CPD: variants seen among roughly 807,000 people sequenced by gnomAD.
CPD encodes the protein carboxypeptidase D, also known as metallocarboxypeptidase D.
In CPD, 69 loss-of-function variants were observed where a neutral mutation model predicts 138.3. That is an observed-to-expected ratio of 0.50 (90% confidence interval 0.41 to 0.61). The LOEUF (loss-of-function observed/expected upper bound fraction) is 0.61, where lower values mean the gene tolerates loss of function less well. Ranked by LOEUF, CPD falls within the 20% of genes least tolerant of loss-of-function variation. The pLI is 0.00. For missense variants in CPD, 1,432 were observed against 1,733.3 expected (o/e 0.83, Z 3.09); for synonymous variants, 651 against 642.1 (o/e 1.01, Z -0.21).
chr17:30,393,449 T>C (rs1382939586), intron 2 of CPD, among the ~76,000 whole-genome samples: 1 of 152,136 alleles, frequency 6.6e-6, no homozygotes, highest in African/African-American at 2.4e-5. Flanking sequence ...CACCAGAAAA[T>C]TGTAATCTAA....
At chr17:30,413,966 C>G (rs1210079197) in intron 2 of CPD, among the ~76,000 whole-genome samples, 2 of 152,066 alleles carry the variant, frequency 1.3e-5, no homozygotes, top group Admixed American at 6.6e-5. Context: ...GCAAAGGGAA[C>G]AAGTAGAGCA....
At chr17:30,430,699 C>G (rs943108551) in intron 7 of CPD, among the ~76,000 whole-genome samples, 1 of 152,094 alleles carries the variant, frequency 6.6e-6, no homozygotes, top group African/African-American at 2.4e-5. Context: ...GTTACCCAGG[C>G]TGGAGTGTAA....
At position 30,420,985 on chromosome 17, in the gene CPD, T is replaced by C; in HGVS notation, c.1137+2T>C. On this transcript the variant is annotated splice_donor_variant, in intron 3 of 20. Coordinates refer to ENST00000225719, the MANE Select transcript of CPD (RefSeq NM_001304.5). LOFTEE classifies it high-confidence loss of function. ...TCTTTGATCACATTGATTGAAAAGG[T>C]AAAAGTAGATGACTGGAATGTTGGG... The C allele has an allele frequency of 6.2e-7, 1 of 1,612,562 alleles. No homozygotes were observed. Among genetic ancestry groups the C allele is most frequent in the Non-Finnish European group, 8.5e-7 (1 of 1,179,170 alleles).
intron 2 of CPD, among the ~76,000 whole-genome samples, chr17:30,395,005 TTAGGGAA>T (rs957193243): frequency 2.0e-5 from 3 of 151,778 alleles, no homozygotes; most frequent in African/African-American, 7.3e-5. Flanking sequence ...CAATGGGCAG[TTAGGGAA>T]TAGGTTCTAG....
rs1910977771 is a variant in CPD, at chr17:30,379,353, C to T, written c.373C>T (p.Leu125=). ...DAAGPDAAGP[L]LPGRPQVKLV... is the part of the protein sequence containing the mutation. ...TGCCGGGCCCGACGCTGCGGGGCCGCTGCTGCCCGGCCGGCCCCAGGTGAA... is the reference window on the plus strand; with the variant it reads ...TGCCGGGCCCGACGCTGCGGGGCCGTTGCTGCCCGGCCGGCCCCAGGTGAA... Residue 125 remains leucine, a synonymous_variant, in exon 1 of 21, where the codon CTG becomes TTG. Transcript: ENST00000225719. The surrounding 1 kb of genome is among the most constrained non-coding windows in gnomAD (Gnocchi z 7.0). 1.3e-6 allele frequency: 2 copies of T among 1,499,908 alleles called. No individual in the cohort carries two copies. Among genetic ancestry groups the T allele is most frequent in the East Asian group, 5.6e-5 (2 of 35,762 alleles). The allele number at this position is 1,499,908 out of a possible 1,614,324, so 92.9% of individuals were successfully genotyped here. A position where few individuals can be genotyped will look rare whatever the true frequency, so the allele number is the denominator to read the frequency against.
rs778208980 is a variant in CPD, at chr17:30,464,685, G to A, written c.4014G>A (p.Arg1338=). Residue 1338 remains arginine (R), a synonymous_variant, in exon 21 of 21, where the codon AGG becomes AGA. Transcript: ENST00000225719. The stretch of plus-strand genomic sequence containing the variant: ...ACAAGGATGGCTTTCATCGGCTCAG[G>A]CAGCATCATGATGAGTATGAAGATG... ...NRHKDGFHRL[R]QHHDEYEDEI... is the part of the protein sequence containing the mutation. 5 of 1,613,824 alleles carry A rather than the reference G, an allele frequency of 3.1e-6. No homozygotes were observed. In the East Asian group the frequency reaches 8.9e-5, roughly 29 times the overall value.
At chr17:30,431,963 G>A (rs1217130913) in intron 8 of CPD, 82 bp downstream of exon 8, 1 of 912,904 alleles carries the variant, frequency 1.1e-6, no homozygotes, top group Admixed American at 2.7e-5. Context: ...CAAGACTCAG[G>A]TCAAGTGCTT....
At chr17:30,381,078 A>G (rs1341707139) in intron 1 of CPD, among the ~76,000 whole-genome samples, 1 of 152,172 alleles carries the variant, frequency 6.6e-6, no homozygotes, top group Non-Finnish European at 1.5e-5. Context: ...TTCGTCTTCT[A>G]TCTTTTACTT....
At chr17:30,390,580 G>T (rs1911327972) in intron 2 of CPD, among the ~76,000 whole-genome samples, 2 of 152,162 alleles carry the variant, frequency 1.3e-5, no homozygotes, top group African/African-American at 4.8e-5. Context: ...CCTGCTCTGA[G>T]GAATCAGATA....
At chr17:30,461,580 G>A (rs1421705750) in intron 18 of CPD, among the ~76,000 whole-genome samples, 1 of 152,140 alleles carries the variant, frequency 6.6e-6, no homozygotes, top group Non-Finnish European at 1.5e-5. Flanking sequence ...ATACCATGGT[G>A]GGAAGGAAAT....
chr17:30,458,816 A>G (rs1303667852), intron 17 of CPD, among the ~76,000 whole-genome samples: 1 of 151,712 alleles, frequency 6.6e-6, no homozygotes, highest in Admixed American at 6.6e-5. Context: ...CGAAGAGCCG[A>G]GATCTTGCCA....
At position 30,443,785 on chromosome 17, in the gene CPD, C is replaced by T; in HGVS notation, c.2374-17C>T. 1 of 1,597,574 alleles carries T rather than the reference C, an allele frequency of 6.3e-7. No individual in the cohort carries two copies. The highest frequency in any genetic ancestry group is 8.6e-7 in the Non-Finnish European group (1 of 1,168,990). On this transcript the variant is annotated splice_polypyrimidine_tract_variant and intron_variant, in intron 10 of 20. Transcript: ENST00000225719. ...GATGTTTATTATTGAAATCTGGTGT[C>T]CTTGTACTTAATCCAGGTTCATCAG...
At chr17:30,398,126 G>A (rs762423643) in intron 2 of CPD, among the ~76,000 whole-genome samples, 7 of 151,704 alleles carry the variant, frequency 4.6e-5, no homozygotes, top group Non-Finnish European at 7.4e-5. Context: ...GTGAAGCGTC[G>A]CATATTTTTT....
At chr17:30,464,126 C>T (rs138651100) in intron 20 of CPD, among the ~76,000 whole-genome samples, 4 of 152,086 alleles carry the variant, frequency 2.6e-5, no homozygotes, top group Non-Finnish European at 4.4e-5. Flanking sequence ...CATGGTGGCT[C>T]ACGCCTGTAA....
At chr17:30,386,171 A>T (rs1411587515) in intron 2 of CPD, among the ~76,000 whole-genome samples, 2 of 152,166 alleles carry the variant, frequency 1.3e-5, no homozygotes, top group African/African-American at 4.8e-5. Context: ...CTGGAACTAT[A>T]GATGTGTGCC....
chr17:30,387,352 C>T (rs564217346), intron 2 of CPD, among the ~76,000 whole-genome samples: 2 of 152,214 alleles, frequency 1.3e-5, no homozygotes, highest in South Asian at 2.1e-4. Context: ...CTCCTGACCT[C>T]GAGTGATCTA....
chr17:30,454,734 A>T (rs560888027), intron 14 of CPD: 3 of 152,966 alleles, frequency 2.0e-5, no homozygotes, highest in African/African-American at 7.2e-5. Flanking sequence ...ATTTAATTGG[A>T]CTTACAGTCC....
chr17:30,388,878 C>A (rs1371934035), intron 2 of CPD, among the ~76,000 whole-genome samples: 1 of 152,146 alleles, frequency 6.6e-6, no homozygotes, highest in African/African-American at 2.4e-5. Flanking sequence ...GCTGGGAGGT[C>A]ACCCCACGTG....
intron 10 of CPD, 102 bp from the exon 11 acceptor site, chr17:30,443,700 C>A: frequency 1.7e-6 from 2 of 1,148,746 alleles, no homozygotes; most frequent in East Asian, 2.4e-5. Context: ...CTGTTTGTTC[C>A]ATTTATTTGT....
Sources: gnomAD v4.1 joint callset for allele counts (sites outside exome capture counted in the v4.1 genomes callset) on GRCh38, gnomAD v4.1.1 for gene constraint, Gnocchi (gnomAD v3.1) non-coding constraint, MANE v1.5 for transcripts, NCBI Gene and HGNC (gene_info 2026-07-23, HGNC 2026-07-21) for gene names.